The following ADGRD1 variants were observed in gnomAD, a reference collection of about 807,000 sequenced individuals.
ADGRD1 encodes the protein G-protein coupled receptor 133.
A neutral mutation model predicts 113.4 loss-of-function variants in ADGRD1; 77 were observed. The observed-to-expected ratio is 0.68, with a 90% CI of 0.57 to 0.82. The LOEUF is 0.82. ADGRD1 is among the 40% of genes least tolerant of loss of function. The pLI is 0.00. For missense variants in ADGRD1, 1,036 were observed against 1,139.1 expected (o/e 0.91, Z 1.30); for synonymous variants, 474 against 475.0 (o/e 1.00, Z 0.03).
At chr12:131,126,221 T>C (rs555216637) in intron 20 of ADGRD1, among the ~76,000 whole-genome samples, 2 of 152,294 alleles carry the variant, frequency 1.3e-5, no homozygotes, top group African/African-American at 4.8e-5. Context: ...GCTGCTGTTG[T>C]GGGAGTGGTT....
At chr12:131,021,999 C>T (rs969496280) in intron 13 of ADGRD1, among the ~76,000 whole-genome samples, 35 of 152,160 alleles carry the variant, frequency 2.3e-4, no homozygotes, top group African/African-American at 3.9e-4. Context: ...CCACCGCGCT[C>T]GGCCCTGATC....
rs955351407 is a variant in ADGRD1, at chr12:131,105,011, G to A, written c.1775+77G>A. ...CCAGATCTCAAGATGGAAGAGACAC[G>A]GGAGAGGGGAGGGGCTGTGGAGGTA... is the stretch of plus-strand genomic sequence containing the variant. On this transcript the variant is annotated intron_variant, in intron 16 of 24. Coordinates refer to ENST00000261654, the MANE Select transcript of ADGRD1 (RefSeq NM_198827.5). 17 of 1,018,834 alleles carry A rather than the reference G, an allele frequency of 1.7e-5. No individual in the cohort carries two copies. The African/African-American group carries it at 1.8e-4, about 11-fold the overall frequency. The allele number at this position is 1,018,834 out of a possible 1,614,324, so 63.1% of individuals were successfully genotyped here.
rs562538493 is a variant in ADGRD1 at position 131,022,549 on chromosome 12, C to T, written c.1473+8209C>T. Among the ~76,000 whole-genome samples the T allele has an allele frequency of 5.3e-5, 8 of 152,340 alleles. No homozygotes were observed. The South Asian group carries it at 1.7e-3, about 32-fold the overall frequency. ...GACTCAGGGGTACTATTTCATCCCACAGGGCGCTGTCCGGCTCTATCATTA... is the reference window on the plus strand; with the variant it reads ...GACTCAGGGGTACTATTTCATCCCATAGGGCGCTGTCCGGCTCTATCATTA... On this transcript the variant is annotated intron_variant, in intron 13 of 24. Coordinates refer to ENST00000261654, the MANE Select transcript of ADGRD1 (RefSeq NM_198827.5). The surrounding 1 kb of genome is among the most constrained non-coding windows in gnomAD (Gnocchi z 4.6).
intron 13 of ADGRD1, among the ~76,000 whole-genome samples, chr12:131,048,722 G>C (rs977977231): frequency 6.6e-6 from 1 of 152,212 alleles, no homozygotes; most frequent in Non-Finnish European, 1.5e-5. Context: ...TTCATTTGTG[G>C]GCAGGGCAGG....
intron 2 of ADGRD1, among the ~76,000 whole-genome samples, chr12:130,964,317 G>A (rs1375028343): frequency 6.6e-6 from 1 of 151,988 alleles, no homozygotes; most frequent in East Asian, 1.9e-4. Context: ...GAGTGAGGTT[G>A]GGATCTTAAT....
At chr12:131,029,185 G>A (rs981631581) in intron 13 of ADGRD1, among the ~76,000 whole-genome samples, 1 of 152,236 alleles carries the variant, frequency 6.6e-6, no homozygotes, top group African/African-American at 2.4e-5. Flanking sequence ...AGCTCTCGAT[G>A]TAGTTCCAAC....
Position 131,033,373 on chromosome 12 carries a change from C to T in ADGRD1, c.1473+19033C>T, listed in dbSNP as rs181127065. ...GCACCCCACAAGCACTGCCCAAGCA[C>T]CACATCTGTGCTCAGCACCGTCAGA... On this transcript the variant is annotated intron_variant, in intron 13 of 24. Coordinates refer to ENST00000261654, the MANE Select transcript of ADGRD1 (RefSeq NM_198827.5). 2.1e-4 allele frequency among the ~76,000 whole-genome samples: 32 copies of T among 152,362 alleles called. No homozygotes were observed. In the East Asian group the frequency reaches 4.8e-3, roughly 23 times the overall value.
chr12:130,958,170 C>A (rs1487607591), intron 2 of ADGRD1: 1 of 123,120 alleles, frequency 8.1e-6, no homozygotes, highest in African/African-American at 3.1e-5. Context: ...CATTTCCTTC[C>A]CTCCCTCCCC....
chr12:131,110,355 ACT>A (rs1950322876), intron 18 of ADGRD1, among the ~76,000 whole-genome samples: 1 of 78,306 alleles, frequency 1.3e-5, no homozygotes. Flanking sequence ...GATTTTTTTC[ACT>A]TTTTTTTTTT....
Position 131,139,148 on chromosome 12 carries a change from C to T in ADGRD1, c.2530-20C>T. On this transcript the variant is annotated intron_variant, in intron 24 of 24. Coordinates refer to ENST00000261654, the MANE Select transcript of ADGRD1 (RefSeq NM_198827.5). ...CCCTGGGAGCAGGCCCTTCACTGCTCATCCCTTTATGCTTTGCAGATGAAT... is the reference window on the plus strand; with the variant it reads ...CCCTGGGAGCAGGCCCTTCACTGCTTATCCCTTTATGCTTTGCAGATGAAT... The T allele has an allele frequency of 6.2e-7, 1 of 1,600,802 alleles. No homozygotes were observed. The highest frequency in any genetic ancestry group is 1.7e-5 in the Admixed American group (1 of 59,920).
intron 20 of ADGRD1, chr12:131,122,108 G>T (rs906718993): frequency 1.3e-5 from 2 of 152,534 alleles, no homozygotes; most frequent in South Asian, 2.1e-4. Flanking sequence ...CGGGCTGCGC[G>T]TCCTGGCCCA....
At chr12:130,996,840 C>A in intron 8 of ADGRD1, among the ~76,000 whole-genome samples, 1 of 119,630 alleles carries the variant, frequency 8.4e-6, no homozygotes, top group Non-Finnish European at 1.8e-5. Context: ...GGGGCTGACC[C>A]CCCCACCTCC....
chr12:131,015,439 T>G (rs1878443081), intron 13 of ADGRD1, among the ~76,000 whole-genome samples: 1 of 146,136 alleles, frequency 6.8e-6, no homozygotes, highest in African/African-American at 2.6e-5. Flanking sequence ...GATATAGAGA[T>G]GGAGATGGAG....
intron 19 of ADGRD1, among the ~76,000 whole-genome samples, chr12:131,119,814 C>T (rs777338826): frequency 1.2e-4 from 18 of 152,198 alleles, no homozygotes; most frequent in Non-Finnish European, 2.6e-4. Context: ...TTCTCCTCTC[C>T]GTGCTCTGGG....
intron 14 of ADGRD1, among the ~76,000 whole-genome samples, chr12:131,078,748 C>T (rs539613090): frequency 1.3e-5 from 2 of 152,232 alleles, no homozygotes; most frequent in Admixed American, 6.5e-5. Context: ...ATGATGTTAA[C>T]GAACCCTCCA....
chr12:131,005,333 C>CGCATGATCT (rs1297880807), intron 11 of ADGRD1, among the ~76,000 whole-genome samples: 2 of 152,224 alleles, frequency 1.3e-5, no homozygotes, highest in Non-Finnish European at 2.9e-5. Flanking sequence ...ATCTCCTGGC[C>CGCATGATCT]GCATGATCTG....
At position 131,003,332 on chromosome 12, in the gene ADGRD1, T is replaced by G. The variant is rs768805668; in HGVS notation, c.1144+30T>G. On this transcript the variant is annotated intron_variant, in intron 10 of 24. Coordinates refer to ENST00000261654, the MANE Select transcript of ADGRD1 (RefSeq NM_198827.5). The surrounding 1 kb of genome is among the most constrained non-coding windows in gnomAD (Gnocchi z 4.8). ...CTGTCGCTTGTAAGGGTGAGCCACA[T>G]GGCAGGGGCGGGGGCTGGAGGCTGC... The G allele has an allele frequency of 2.7e-6, 4 of 1,479,064 alleles. No individual in the cohort carries two copies. In the African/African-American group the frequency reaches 5.5e-5, roughly 20 times the overall value. The allele number at this position is 1,479,064 out of a possible 1,614,324, so 91.6% of individuals were successfully genotyped here.
chr12:131,080,487 T>C (rs959808154), intron 14 of ADGRD1, among the ~76,000 whole-genome samples: 3 of 152,252 alleles, frequency 2.0e-5, no homozygotes, highest in African/African-American at 7.2e-5. Context: ...ACCAAGTCGA[T>C]TGATAGTTAA....
chr12:131,003,072 C>A lies in ADGRD1; in HGVS notation c.1027-113C>A. The A allele has an allele frequency of 1.2e-6, 1 of 852,392 alleles. No homozygotes were observed. 52.8% of individuals were successfully genotyped at this position (852,392 alleles called of 1,614,324 possible). A position where few individuals can be genotyped will look rare whatever the true frequency, so the allele number is the denominator to read the frequency against. On this transcript the variant is annotated intron_variant, in intron 9 of 24. Coordinates refer to ENST00000261654, the MANE Select transcript of ADGRD1 (RefSeq NM_198827.5). This position sits in a 1 kb window ranked among gnomAD's most constrained non-coding sequence, Gnocchi z 4.8. ...GGAAGGGGCAGTTGTGTGACTTCTTCCTCCCTCGTGGCCAACGTGGGGAAA... is the reference window on the plus strand; with the variant it reads ...GGAAGGGGCAGTTGTGTGACTTCTTACTCCCTCGTGGCCAACGTGGGGAAA...
Sources: allele counts gnomAD v4.1 joint callset (sites outside exome capture counted in the v4.1 genomes callset), GRCh38; gene constraint gnomAD v4.1.1; non-coding constraint Gnocchi (gnomAD v3.1); transcripts MANE v1.5; gene names NCBI Gene and HGNC (gene_info 2026-07-23, HGNC 2026-07-21).